The following CASTOR2 variants were observed in gnomAD, a reference collection of about 807,000 sequenced individuals.
CASTOR2 encodes GATS protein like 2.
Under a neutral mutation model 31.2 loss-of-function variants are expected in CASTOR2, and 8 were observed. The ratio of observed to expected loss-of-function variants is 0.26; its 90% CI spans 0.15 to 0.46. The LOEUF is 0.46. CASTOR2 is among the 20% of genes least tolerant of loss of function. CASTOR2 has a pLI of 0.99. For synonymous variants in CASTOR2, 162 were observed against 158.7 expected, an observed-to-expected ratio of 1.02 and a Z score of -0.16; for missense variants, 216 against 382.1, an observed-to-expected ratio of 0.57 and a Z score of 3.62.
At chr7:74,974,469 G>A (rs1446486687) in intron 1 of CASTOR2, among the ~76,000 whole-genome samples, 10 of 150,838 alleles carry the variant, frequency 6.6e-5, no homozygotes, top group African/African-American at 2.5e-4. Context: ...AGGGGCAGGG[G>A]GGAGTCTGGG....
rs1805187448 is a variant in CASTOR2, at chr7:75,028,069, G to A, written c.*3370G>A. 3.3e-6 allele frequency: 5 copies of A among 1,533,630 alleles called. No homozygotes were observed. In the South Asian group the frequency reaches 4.8e-5, roughly 15 times the overall value. ...GCCTGTTGTCTTGGCGCTGGCGGATGGGGCAGGTGCCTGGCGGGGGAGGAA... is the reference window on the plus strand; with the variant it reads ...GCCTGTTGTCTTGGCGCTGGCGGATAGGGCAGGTGCCTGGCGGGGGAGGAA... On this transcript the variant is annotated 3_prime_UTR_variant, in exon 9 of 9. Transcript: ENST00000616305.
Position 74,999,601 on chromosome 7 carries a change from C to CTTTTTTTTTTTTTTT in CASTOR2, c.114-8372_114-8358dup, listed in dbSNP as rs1158456043. Among the ~76,000 whole-genome samples the CTTTTTTTTTTTTTTT allele has an allele frequency of 8.7e-5, 4 of 45,782 alleles. 1 individual carries two copies. Among genetic ancestry groups the CTTTTTTTTTTTTTTT allele is most frequent in the African/African-American group, 1.3e-4 (1 of 7,974 alleles). 30.0% of individuals were successfully genotyped at this position (45,782 alleles called of 152,430 possible). A position where few individuals can be genotyped will look rare whatever the true frequency, so the allele number is the denominator to read the frequency against. ...CCCGAAACACTTCTATCACTCACTG[C>CTTTTTTTTTTTTTTT]TTTTTTTTTTTTTTTTTTTTTTTTT... On this transcript the variant is annotated intron_variant, in intron 1 of 8. Transcript: ENST00000616305.
At chr7:74,993,755 C>G (rs1161814120) in intron 1 of CASTOR2, among the ~76,000 whole-genome samples, 1 of 151,558 alleles carries the variant, frequency 6.6e-6, no homozygotes, top group Non-Finnish European at 1.5e-5. Context: ...CTGGCACCCC[C>G]CTTTCTTATT....
At chr7:74,974,430 G>A (rs1241502251) in intron 1 of CASTOR2, among the ~76,000 whole-genome samples, 2 of 149,974 alleles carry the variant, frequency 1.3e-5, no homozygotes, top group Non-Finnish European at 3.0e-5. Context: ...AGGACCAGAG[G>A]CCCACACAGG....
chr7:75,022,899 A>G (rs959525668), intron 7 of CASTOR2, among the ~76,000 whole-genome samples: 134 of 152,334 alleles, frequency 8.8e-4, no homozygotes, highest in Admixed American at 1.5e-3. Context: ...CTCAAAGATA[A>G]TAACTGCTGG....
chr7:75,010,564 C>T (rs2131947446), intron 2 of CASTOR2, among the ~76,000 whole-genome samples: 1 of 152,246 alleles, frequency 6.6e-6, no homozygotes, highest in Middle Eastern at 3.4e-3. Flanking sequence ...CCCACAATCC[C>T]TCGACCCTGC....
chr7:75,009,273 T>TTC (rs1804676516), intron 2 of CASTOR2, among the ~76,000 whole-genome samples: 1 of 126,598 alleles, frequency 7.9e-6, no homozygotes, highest in African/African-American at 3.0e-5. Context: ...TTTTTTTTTT[T>TTC]TTTTTTTTTT....
rs1805201966 is a variant in CASTOR2 at position 75,028,361 on chromosome 7, T to C, written c.*3662T>C. Reference sequence around the variant, plus strand: ...GTCTTGAACTCCTGACCTCAAGTGATCCACCCACCTTGGCCTCCCGAAGTG... The same window carrying C: ...GTCTTGAACTCCTGACCTCAAGTGACCCACCCACCTTGGCCTCCCGAAGTG... On this transcript the variant is annotated 3_prime_UTR_variant, in exon 9 of 9. Coordinates refer to ENST00000616305, the MANE Select transcript of CASTOR2 (RefSeq NM_001145064.3). Among the ~76,000 whole-genome samples, 1 of 152,068 alleles carries C rather than the reference T, an allele frequency of 6.6e-6. No homozygotes were observed. Among genetic ancestry groups the C allele is most frequent in the Non-Finnish European group, 1.5e-5 (1 of 68,016 alleles).
chr7:75,015,584 CCT>C (rs1804845819), intron 2 of CASTOR2, among the ~76,000 whole-genome samples: 1 of 152,144 alleles, frequency 6.6e-6, no homozygotes. Flanking sequence ...AGCCTCAGCA[CCT>C]CTCTTTTTAG....
chr7:75,006,896 A>G (rs1197135670), intron 1 of CASTOR2, among the ~76,000 whole-genome samples: 1 of 124,520 alleles, frequency 8.0e-6, no homozygotes, highest in Admixed American at 1.1e-4. Context: ...CTATGAGTCC[A>G]TTAAACCTTT....
In CASTOR2 at chr7:75,030,587, G is replaced by A. The variant is rs1805275199; in HGVS notation, c.*5888G>A. On this transcript the variant is annotated 3_prime_UTR_variant, in exon 9 of 9. Transcript: ENST00000616305. The stretch of plus-strand genomic sequence containing the variant: ...ATTGGAGGATGCACTTCTAAGTGAG[G>A]CCTGGCTGTAGGCAGGAGGCCTCAG... Among the ~76,000 whole-genome samples the A allele has an allele frequency of 6.6e-6, 1 of 152,160 alleles. No homozygotes were observed. The highest frequency in any genetic ancestry group is 2.4e-5 in the African/African-American group (1 of 41,428).
chr7:74,997,123 T>G (rs1804371811), intron 1 of CASTOR2, among the ~76,000 whole-genome samples: 1 of 151,608 alleles, frequency 6.6e-6, no homozygotes, highest in African/African-American at 2.4e-5. Context: ...CAATCATAGC[T>G]CATCACTGCA....
rs1804956753 is a variant in CASTOR2 at position 75,020,059 on chromosome 7, C to G, written c.656C>G (p.Thr219Ser). The change falls in exon 6 of 9, where the codon ACT becomes AGT. Residue 219 changes from threonine (T) to serine (S), a missense_variant. Physicochemically the swap from Thr to Ser is moderately conservative, Grantham distance 58 (BLOSUM62 1). Transcript: ENST00000616305. Reference protein sequence around the residue: ...YSNGVKDPMATGDDCGHIRFF... With the variant: ...YSNGVKDPMASGDDCGHIRFF... ...CCCAGAGTGAAGGACCCCATGGCCACTGGGGATGACTGCGGCCACATCCGC... is the reference window on the plus strand; with the variant it reads ...CCCAGAGTGAAGGACCCCATGGCCAGTGGGGATGACTGCGGCCACATCCGC... The G allele has an allele frequency of 6.4e-7, 1 of 1,551,328 alleles. No individual in the cohort carries two copies. Among genetic ancestry groups the G allele is most frequent in the Non-Finnish European group, 8.7e-7 (1 of 1,146,834 alleles).
At chr7:74,995,987 A>G (rs1181940215) in intron 1 of CASTOR2, among the ~76,000 whole-genome samples, 2 of 151,896 alleles carry the variant, frequency 1.3e-5, no homozygotes, top group African/African-American at 4.8e-5. Flanking sequence ...CAAAAAAAAA[A>G]GATGGGCGAA....
At chr7:75,022,060 T>TG (rs1340216178) in intron 7 of CASTOR2, 104 bp downstream of exon 7, 6 of 1,357,226 alleles carry the variant, frequency 4.4e-6, no homozygotes, top group Non-Finnish European at 6.2e-6. Context: ...GGGGTACAGA[T>TG]GGGGAGACTG....
Position 75,030,122 on chromosome 7 carries a change from C to T in CASTOR2, c.*5423C>T, listed in dbSNP as rs1477364688. ...GGTGGCCGAGAGAGCTTGTGGCTGTCACTATAAGGGAAGAGGAGCTATGGA... is the reference window on the plus strand; with the variant it reads ...GGTGGCCGAGAGAGCTTGTGGCTGTTACTATAAGGGAAGAGGAGCTATGGA... On this transcript the variant is annotated 3_prime_UTR_variant, in exon 9 of 9. Coordinates refer to ENST00000616305, the MANE Select transcript of CASTOR2 (RefSeq NM_001145064.3). Among the ~76,000 whole-genome samples the T allele has an allele frequency of 6.6e-6, 1 of 152,176 alleles. No homozygotes were observed. The highest frequency in any genetic ancestry group is 1.5e-5 in the Non-Finnish European group (1 of 68,038).
rs1463137653 is a variant in CASTOR2 at position 75,024,735 on chromosome 7, G to T, written c.*36G>T. 2 of 1,551,424 alleles carry T rather than the reference G, an allele frequency of 1.3e-6. No individual in the cohort carries two copies. The highest frequency in any genetic ancestry group is 1.4e-5 in the African/African-American group (1 of 73,030). On this transcript the variant is annotated 3_prime_UTR_variant, in exon 9 of 9. Coordinates refer to ENST00000616305, the MANE Select transcript of CASTOR2 (RefSeq NM_001145064.3). ...TCTGCTCCTCCCTGCCGCCGCCCGG[G>T]CCCAGCCCTAACCCTGAAGATTGAT...
intron 2 of CASTOR2, among the ~76,000 whole-genome samples, chr7:75,016,149 G>T (rs1367252769): frequency 6.6e-6 from 1 of 152,168 alleles, no homozygotes; most frequent in Admixed American, 6.5e-5. Flanking sequence ...TCAGGGCCTG[G>T]CACTAGGTGG....
At chr7:75,013,754 G>C (rs1804804520) in intron 2 of CASTOR2, among the ~76,000 whole-genome samples, 1 of 152,116 alleles carries the variant, frequency 6.6e-6, no homozygotes, top group Admixed American at 6.6e-5. Context: ...GTGTGACTGA[G>C]TCTCGCTCTG....
Sources: allele counts gnomAD v4.1 joint callset (sites outside exome capture counted in the v4.1 genomes callset), GRCh38; gene constraint gnomAD v4.1.1; transcripts MANE v1.5; gene names NCBI Gene and HGNC (gene_info 2026-07-23, HGNC 2026-07-21).